The following RNGTT variants were observed in gnomAD, a reference collection of about 807,000 sequenced individuals.
RNGTT encodes mRNA-capping enzyme.
In RNGTT, 33 loss-of-function variants were observed where a neutral mutation model predicts 79.3. The observed-to-expected ratio is 0.42, with a 90% CI of 0.32 to 0.56. RNGTT has a LOEUF of 0.56. RNGTT is among the 20% of genes least tolerant of loss of function. The pLI is 0.17. For missense variants in RNGTT, 497 were observed against 739.1 expected, an observed-to-expected ratio of 0.67 and a Z score of 3.80; for synonymous variants, 222 against 235.9, an observed-to-expected ratio of 0.94 and a Z score of 0.54.
intron 14 of RNGTT, among the ~76,000 whole-genome samples, chr6:88,616,617 T>C (rs1200903807): frequency 2.0e-5 from 3 of 152,208 alleles, no homozygotes; most frequent in Non-Finnish European, 4.4e-5. Context: ...TGCTATCTCA[T>C]TGTGGTCTTG....
intron 4 of RNGTT, among the ~76,000 whole-genome samples, chr6:88,918,400 A>C (rs1020597386): frequency 1.3e-5 from 2 of 152,046 alleles, no homozygotes; most frequent in African/African-American, 2.4e-5. Flanking sequence ...AATGGATTCA[A>C]GTATAGATTC....
At chr6:88,734,756 AC>A (rs1246817820) in intron 13 of RNGTT, among the ~76,000 whole-genome samples, 4 of 152,184 alleles carry the variant, frequency 2.6e-5, no homozygotes, top group African/African-American at 9.6e-5. Context: ...CAGAAAGTAT[AC>A]TTTGAGTACC....
chr6:88,939,813 G>T (rs935229477), intron 2 of RNGTT, among the ~76,000 whole-genome samples: 12 of 151,094 alleles, frequency 7.9e-5, no homozygotes, highest in African/African-American at 2.7e-4. Flanking sequence ...GGCTGCAGTG[G>T]GTAATCATGG....
At chr6:88,817,490 TAAAAAAAAAAAAA>T (rs11354100) in intron 11 of RNGTT, among the ~76,000 whole-genome samples, 1 of 44,564 alleles carries the variant, frequency 2.2e-5, no homozygotes, top group Non-Finnish European at 3.9e-5. Flanking sequence ...AAAAAATAAG[TAAAAAAAAAAAAA>T]AAAAAAAAAA....
Position 88,929,286 on chromosome 6 carries a change from G to T in RNGTT, c.175-19C>A. ...TTTTAACCTAAAAAAAAAAAAAAATGAAAGGGCAAATTTACTAGTAACTTA... is the reference window on the plus strand; with the variant it reads ...TTTTAACCTAAAAAAAAAAAAAAATTAAAGGGCAAATTTACTAGTAACTTA... On this transcript the variant is annotated intron_variant, in intron 2 of 15. Transcript: ENST00000369485. The T allele has an allele frequency of 8.1e-7, 1 of 1,231,584 alleles. No individual in the cohort carries two copies. Among genetic ancestry groups the T allele is most frequent in the Non-Finnish European group, 1.2e-6 (1 of 855,240 alleles). The allele number at this position is 1,231,584 out of a possible 1,614,324, so 76.3% of individuals were successfully genotyped here. A position where few individuals can be genotyped will look rare whatever the true frequency, so the allele number is the denominator to read the frequency against.
chr6:88,775,531 ATTTT>A (rs977142168), intron 12 of RNGTT, among the ~76,000 whole-genome samples: 2 of 152,112 alleles, frequency 1.3e-5, no homozygotes, highest in Non-Finnish European at 2.9e-5. Flanking sequence ...GAGCTTGCTA[ATTTT>A]TTTATATTTC....
At chr6:88,708,581 G>A (rs1024106509) in intron 13 of RNGTT, among the ~76,000 whole-genome samples, 11 of 152,048 alleles carry the variant, frequency 7.2e-5, no homozygotes, top group Non-Finnish European at 1.6e-4. Context: ...CAGGCCTTTA[G>A]GTAGTCCCTT....
chr6:88,792,211 T>C (rs1779446411), intron 12 of RNGTT, among the ~76,000 whole-genome samples: 1 of 152,226 alleles, frequency 6.6e-6, no homozygotes, highest in Non-Finnish European at 1.5e-5. Context: ...CATTGTATGA[T>C]GCAGTGTCAT....
At chr6:88,914,980 C>T (rs986180316) in intron 4 of RNGTT, among the ~76,000 whole-genome samples, 5 of 152,068 alleles carry the variant, frequency 3.3e-5, no homozygotes, top group Admixed American at 2.0e-4. Context: ...AGACAGTTAT[C>T]AAAAGAGGAC....
chr6:88,938,807 T>G (rs900831344), intron 2 of RNGTT, among the ~76,000 whole-genome samples: 3 of 152,216 alleles, frequency 2.0e-5, no homozygotes, highest in Admixed American at 2.0e-4. Flanking sequence ...ACCAGTCCAG[T>G]TGTGGTGAAT....
intron 2 of RNGTT, among the ~76,000 whole-genome samples, chr6:88,929,642 A>G (rs573058757): frequency 7.9e-5 from 12 of 152,218 alleles, no homozygotes; most frequent in Admixed American, 5.2e-4. Context: ...CAGGAATGGC[A>G]TCTATCTGAA....
At chr6:88,853,916 T>A in intron 8 of RNGTT, 152 bp from the exon 9 acceptor site, 3 of 427,442 alleles carry the variant, frequency 7.0e-6, no homozygotes. Context: ...GTATCACAAA[T>A]AATAATTTTT....
intron 12 of RNGTT, among the ~76,000 whole-genome samples, chr6:88,794,710 G>T (rs1460466605): frequency 1.3e-5 from 2 of 152,112 alleles, no homozygotes; most frequent in Non-Finnish European, 2.9e-5. Context: ...AAACAGAAAG[G>T]CATCTTTAAA....
chr6:88,653,302 A>C (rs997799078), intron 14 of RNGTT, among the ~76,000 whole-genome samples: 2 of 152,194 alleles, frequency 1.3e-5, no homozygotes, highest in Admixed American at 6.5e-5. Flanking sequence ...TGTTCAAGCC[A>C]TGTTTAACAA....
At position 88,910,201 on chromosome 6, in the gene RNGTT, C is replaced by G. The variant is rs1049749906; in HGVS notation, c.368-3761G>C. ...TGGATGGCAAGGAAGCTCAACAAGA[C>G]CCAAGAGAAGGTTGAAATCCAATCC... On this transcript the variant is annotated intron_variant, in intron 4 of 15. Coordinates refer to ENST00000369485, the MANE Select transcript of RNGTT (RefSeq NM_003800.5). Among the ~76,000 whole-genome samples, 14 of 152,024 alleles carry G rather than the reference C, an allele frequency of 9.2e-5. No individual in the cohort carries two copies. In the South Asian group the frequency reaches 2.1e-3, roughly 23 times the overall value.
chr6:88,692,799 T>C (rs1283009049), intron 13 of RNGTT, among the ~76,000 whole-genome samples: 4 of 152,070 alleles, frequency 2.6e-5, no homozygotes, highest in South Asian at 2.1e-4. Context: ...TCCTCAAACC[T>C]GTAAACAATA....
chr6:88,704,262 A>AAAAAC (rs1427090216), intron 13 of RNGTT, among the ~76,000 whole-genome samples: 3 of 113,400 alleles, frequency 2.6e-5, no homozygotes, highest in African/African-American at 1.0e-4. Flanking sequence ...TCTGTCTCAA[A>AAAAAC]AAAAAAAAAA....
At chr6:88,944,818 G>A (rs1784953896) in intron 1 of RNGTT, among the ~76,000 whole-genome samples, 1 of 152,150 alleles carries the variant, frequency 6.6e-6, no homozygotes, top group South Asian at 2.1e-4. Context: ...TCCCATTCAA[G>A]ATAGCCCACA....
chr6:88,719,060 G>A (rs1776619150), intron 13 of RNGTT, among the ~76,000 whole-genome samples: 1 of 152,150 alleles, frequency 6.6e-6, no homozygotes, highest in Admixed American at 6.5e-5. Context: ...ATAAGAAAAT[G>A]GGCATTAAGA....
Sources: allele counts gnomAD v4.1 joint callset (sites outside exome capture counted in the v4.1 genomes callset), GRCh38; gene constraint gnomAD v4.1.1; transcripts MANE v1.5; gene names NCBI Gene and HGNC (gene_info 2026-07-23, HGNC 2026-07-21).